Variants in TAFA2 observed in about 807,000 individuals in gnomAD.
The protein encoded by TAFA2 is chemokine-like protein TAFA-2.
TAFA2 carries 7 observed loss-of-function variants against 18.8 expected under a neutral mutation model. That is an observed-to-expected ratio of 0.37 (90% CI 0.21 to 0.70). The LOEUF is 0.70. Among genes scored for constraint, TAFA2 ranks in the 30% least tolerant of loss-of-function variants. The pLI, the probability that TAFA2 is intolerant of heterozygous loss-of-function variation, is 0.53. For synonymous variants in TAFA2, 60 were observed against 54.2 expected (o/e 1.11, Z -0.47); for missense variants, 122 against 158.1 (o/e 0.77, Z 1.23).
chr12:61,781,815 T>C (rs888281078), intron 2 of TAFA2, among the ~76,000 whole-genome samples: 1 of 151,714 alleles, frequency 6.6e-6, no homozygotes, highest in Admixed American at 6.6e-5. Context: ...ACAAAATAAC[T>C]AAGCCAAAAT....
At chr12:61,968,640 T>G (rs1403811966) in intron 1 of TAFA2, among the ~76,000 whole-genome samples, 4 of 151,766 alleles carry the variant, frequency 2.6e-5, no homozygotes, top group African/African-American at 9.7e-5. Context: ...TTCCATTTTT[T>G]GACAGCTTAC....
At chr12:61,839,113 CA>C (rs1873064511) in intron 2 of TAFA2, among the ~76,000 whole-genome samples, 1 of 152,056 alleles carries the variant, frequency 6.6e-6, no homozygotes. Flanking sequence ...GACACTAAAG[CA>C]GACAATTTTT....
intron 2 of TAFA2, among the ~76,000 whole-genome samples, chr12:61,790,813 C>T (rs951202001): frequency 5.9e-5 from 9 of 151,624 alleles, no homozygotes; most frequent in Admixed American, 1.3e-4. Context: ...AGATTTAGTG[C>T]AATTTCTATT....
intron 1 of TAFA2, among the ~76,000 whole-genome samples, chr12:61,998,544 T>TAATA (rs1274762216): frequency 1.3e-5 from 2 of 152,208 alleles, no homozygotes; most frequent in Admixed American, 1.3e-4. Flanking sequence ...CATTTAATAG[T>TAATA]CACAGTTATA....
At chr12:61,954,049 G>T (rs1384253475) in intron 1 of TAFA2, among the ~76,000 whole-genome samples, 1 of 152,050 alleles carries the variant, frequency 6.6e-6, no homozygotes, top group African/African-American at 2.4e-5. Flanking sequence ...GTGAAGTCTG[G>T]ACTTTTAGTG....
chr12:61,861,570 C>A (rs570123115), intron 2 of TAFA2, among the ~76,000 whole-genome samples: 4 of 152,220 alleles, frequency 2.6e-5, no homozygotes, highest in Non-Finnish European at 5.9e-5. Flanking sequence ...ACTTTCATAT[C>A]TCCAGAATTT....
At chr12:61,893,515 G>A (rs547537778) in intron 1 of TAFA2, among the ~76,000 whole-genome samples, 2 of 152,144 alleles carry the variant, frequency 1.3e-5, no homozygotes, top group Admixed American at 1.3e-4. Flanking sequence ...GAAGATTCAG[G>A]AGTGAGAGGG....
chr12:62,040,026 A>C (rs1022274943), intron 1 of TAFA2, among the ~76,000 whole-genome samples: 2 of 152,170 alleles, frequency 1.3e-5, no homozygotes, highest in Non-Finnish European at 2.9e-5. Flanking sequence ...ATTTTAATTA[A>C]GAATGCTGTG....
chr12:61,720,218 A>G (rs1338330673), intron 4 of TAFA2, among the ~76,000 whole-genome samples: 1 of 152,190 alleles, frequency 6.6e-6, no homozygotes, highest in Non-Finnish European at 1.5e-5. Context: ...CAATTTAAAT[A>G]TATAAAGAAT....
chr12:62,153,369 G>A (rs1562089), intron 1 of TAFA2, among the ~76,000 whole-genome samples: 56,620 of 151,982 alleles, frequency 0.37, 11,023 homozygotes, highest in East Asian at 0.52. Flanking sequence ...CAATCAAAGT[G>A]CCAGTATCAG....
chr12:62,130,658 C>T (rs542771058), intron 1 of TAFA2, among the ~76,000 whole-genome samples: 2 of 152,008 alleles, frequency 1.3e-5, no homozygotes, highest in East Asian at 1.9e-4. Flanking sequence ...ACATTCACAG[C>T]GGTTGACAGT....
At chr12:62,239,000 A>C (rs1334069293) in intron 1 of TAFA2, among the ~76,000 whole-genome samples, 1 of 152,218 alleles carries the variant, frequency 6.6e-6, no homozygotes, top group Non-Finnish European at 1.5e-5. Context: ...GTTTTTATGA[A>C]ACAGAAGAAC....
Position 62,053,473 on chromosome 12 carries a change from C to T in TAFA2, c.-2+137786G>A, listed in dbSNP as rs532495416. ...AATTGTTATATGAATATAATAAATG[C>T]TGCTTTAACTTTGAAATAACACCAA... On this transcript the variant is annotated intron_variant, in intron 1 of 4. Transcript: ENST00000416284. Among the ~76,000 whole-genome samples the T allele has an allele frequency of 2.1e-4, 32 of 152,194 alleles. No individual in the cohort carries two copies. The South Asian group carries it at 5.0e-3, about 24-fold the overall frequency.
intron 1 of TAFA2, among the ~76,000 whole-genome samples, chr12:62,199,088 CAT>C (rs900274581): frequency 6.6e-6 from 1 of 152,198 alleles, no homozygotes; most frequent in East Asian, 1.9e-4. Flanking sequence ...TGGGCTTACT[CAT>C]GTGTCTGAAA....
intron 1 of TAFA2, chr12:62,253,735 T>C (rs1477407310): frequency 6.6e-6 from 1 of 152,092 alleles, no homozygotes; most frequent in South Asian, 2.1e-4. Flanking sequence ...TTCAGGAAAA[T>C]CCCCCCATTT....
chr12:62,119,386 A>C, intron 1 of TAFA2, among the ~76,000 whole-genome samples: 1 of 152,316 alleles, frequency 6.6e-6, no homozygotes, highest in South Asian at 2.1e-4. Context: ...ATTTCCCCGA[A>C]GCATCCCCAA....
intron 1 of TAFA2, among the ~76,000 whole-genome samples, chr12:62,039,839 C>T (rs1881711175): frequency 6.6e-6 from 1 of 152,170 alleles, no homozygotes; most frequent in Non-Finnish European, 1.5e-5. Flanking sequence ...AGAACAGACA[C>T]ATGAGCACTA....
intron 1 of TAFA2, among the ~76,000 whole-genome samples, chr12:62,035,711 C>T (rs1279661777): frequency 9.0e-5 from 13 of 145,232 alleles, no homozygotes; most frequent in African/African-American, 3.1e-4. Context: ...GTGCTATTGA[C>T]GCTAGGGGTC....
chr12:61,853,319 A>G (rs1202789837), intron 2 of TAFA2, among the ~76,000 whole-genome samples: 1 of 152,214 alleles, frequency 6.6e-6, no homozygotes, highest in Non-Finnish European at 1.5e-5. Flanking sequence ...ATGAGCTACA[A>G]TAGAGGGTGA....
Sources: allele counts gnomAD v4.1 joint callset (sites outside exome capture counted in the v4.1 genomes callset), GRCh38; gene constraint gnomAD v4.1.1; transcripts MANE v1.5; gene names NCBI Gene and HGNC (gene_info 2026-07-23, HGNC 2026-07-21).